ARFGAP3: variants seen among roughly 807,000 people sequenced by gnomAD.
The protein encoded by ARFGAP3 is ADP-ribosylation factor GTPase-activating protein 3.
In ARFGAP3, 72 loss-of-function variants were observed where a neutral mutation model predicts 75.0. The ratio of observed to expected loss-of-function variants is 0.96; its 90% CI spans 0.79 to 1.17. The LOEUF is 1.17. Among genes scored for constraint, ARFGAP3 ranks in the 50% most tolerant of loss-of-function variants. The pLI, the probability that ARFGAP3 is intolerant of heterozygous loss-of-function variation, is 0.00. For synonymous variants in ARFGAP3, 221 were observed against 217.9 expected (o/e 1.01, Z -0.13); for missense variants, 620 against 626.6 (o/e 0.99, Z 0.11).
At chr22:42,825,699 A>T (rs1307099085) in intron 7 of ARFGAP3, among the ~76,000 whole-genome samples, 1 of 151,994 alleles carries the variant, frequency 6.6e-6, no homozygotes, top group Non-Finnish European at 1.5e-5. Flanking sequence ...AAAAAAAAAA[A>T]AAGAAACATA....
At chr22:42,814,924 G>C (rs1454190545) in intron 11 of ARFGAP3, among the ~76,000 whole-genome samples, 1 of 152,138 alleles carries the variant, frequency 6.6e-6, no homozygotes, top group Non-Finnish European at 1.5e-5. Flanking sequence ...TTTTTGTAAA[G>C]ATGAGGTCTC....
intron 11 of ARFGAP3, 136 bp from the exon 12 acceptor site, chr22:42,811,080 C>G: frequency 1.5e-6 from 2 of 1,363,794 alleles, no homozygotes; most frequent in Non-Finnish European, 1.9e-6. Flanking sequence ...GCCAATGAGA[C>G]AGGAGCAGAC....
At chr22:42,804,750 A>G (rs1472992482) in intron 14 of ARFGAP3, among the ~76,000 whole-genome samples, 1 of 152,038 alleles carries the variant, frequency 6.6e-6, no homozygotes, top group East Asian at 1.9e-4. Context: ...TCTCGACCTC[A>G]GGTGATCCGC....
intron 14 of ARFGAP3, among the ~76,000 whole-genome samples, chr22:42,804,376 ATTTTTTTTT>A (rs1169858932): frequency 2.7e-5 from 2 of 74,478 alleles, no homozygotes; most frequent in Non-Finnish European, 4.8e-5. Context: ...CACCCAGCTA[ATTTTTTTTT>A]TTTTTTTTTT....
intron 1 of ARFGAP3, among the ~76,000 whole-genome samples, chr22:42,855,995 C>G (rs1927479893): frequency 6.6e-6 from 1 of 152,212 alleles, no homozygotes; most frequent in East Asian, 1.9e-4. Flanking sequence ...GAGCTAGGAT[C>G]AAGGCACTAC....
chr22:42,817,936 T>C, intron 9 of ARFGAP3, 79 bp from the exon 10 acceptor site: 1 of 1,363,768 alleles, frequency 7.3e-7, no homozygotes, highest in Non-Finnish European at 9.6e-7. Context: ...AAATTAAACA[T>C]GTAATTTATA....
intron 3 of ARFGAP3, among the ~76,000 whole-genome samples, chr22:42,839,717 T>C (rs762657967): frequency 1.3e-5 from 2 of 152,262 alleles, no homozygotes; most frequent in East Asian, 1.9e-4. Context: ...AAAACTATTA[T>C]CATAAAGAAG....
At chr22:42,822,948 T>C (rs1925876547) in intron 8 of ARFGAP3, among the ~76,000 whole-genome samples, 1 of 152,090 alleles carries the variant, frequency 6.6e-6, no homozygotes, top group Non-Finnish European at 1.5e-5. Flanking sequence ...TAGCTGGGAC[T>C]ACAGGCACGG....
chr22:42,813,008 A>G (rs1925435220), intron 11 of ARFGAP3, among the ~76,000 whole-genome samples: 1 of 152,254 alleles, frequency 6.6e-6, no homozygotes, highest in African/African-American at 2.4e-5. Flanking sequence ...ACATCGGAGG[A>G]AGGTTCAAAA....
intron 2 of ARFGAP3, among the ~76,000 whole-genome samples, chr22:42,843,976 T>C (rs535359760): frequency 1.3e-5 from 2 of 152,288 alleles, no homozygotes; most frequent in East Asian, 3.9e-4. Context: ...ATAAATTATT[T>C]TTCCTCTGTA....
intron 3 of ARFGAP3, among the ~76,000 whole-genome samples, chr22:42,840,424 T>C (rs1213056117): frequency 6.6e-6 from 1 of 151,954 alleles, no homozygotes; most frequent in Non-Finnish European, 1.5e-5. Context: ...TGTTTGTTTG[T>C]TTGTTTTTTT....
At position 42,837,675 on chromosome 22, in the gene ARFGAP3, CT is replaced by C. The variant is rs71186547; in HGVS notation, c.262-2183del. Among the ~76,000 whole-genome samples, 672 of 75,612 alleles carry C rather than the reference CT, an allele frequency of 8.9e-3. 2 individuals carry two copies. The highest frequency in any genetic ancestry group is 0.028 in the African/African-American group (451 of 16,010). 49.6% of individuals were successfully genotyped at this position (75,612 alleles called of 152,430 possible). On this transcript the variant is annotated intron_variant, in intron 3 of 15. Coordinates refer to ENST00000263245, the MANE Select transcript of ARFGAP3 (RefSeq NM_014570.5). ...GCCTTGAAACATCTAAGGCATACTT[CT>C]TTTTTTTTTTTTTTTTTTTTTGAGA...
chr22:42,838,646 T>C (rs1926644197), intron 3 of ARFGAP3, among the ~76,000 whole-genome samples: 1 of 152,066 alleles, frequency 6.6e-6, no homozygotes, highest in Admixed American at 6.6e-5. Context: ...TACTTTAGCA[T>C]ATAAGAAACG....
Position 42,847,544 on chromosome 22 carries a change from C to T in ARFGAP3, c.158G>A (p.Arg53Gln), listed in dbSNP as rs768789771. The change falls in exon 2 of 16, where the codon CGG (arginine) becomes CAG (glutamine). Residue 53 changes from arginine to glutamine, a missense_variant. Arg to Gln is a conservative substitution (Grantham distance 43). Transcript: ENST00000263245. ...AAAACTCAAGTGAACACCAAGTGACCGGTGGGACCCTGAGCAATCAATGCA... is the reference window on the plus strand; with the variant it reads ...AAAACTCAAGTGAACACCAAGTGACTGGTGGGACCCTGAGCAATCAATGCA... ...FLCIDCSGSH[R>Q]SLGVHLSFIR... The T allele has an allele frequency of 9.9e-6, 16 of 1,613,144 alleles. No individual in the cohort carries two copies. The highest frequency in any genetic ancestry group is 1.4e-5 in the Non-Finnish European group (16 of 1,179,582).
At position 42,835,392 on chromosome 22, in the gene ARFGAP3, G is replaced by A; in HGVS notation, c.363C>T (p.Ala121=). Residue 121 remains alanine (A), a synonymous_variant, in exon 4 of 16, where the codon GCC becomes GCT. Coordinates refer to ENST00000263245, the MANE Select transcript of ARFGAP3 (RefSeq NM_014570.5). ...QLYREKIKSL[A]SQATRKHGTD... is the part of the protein sequence containing the mutation. ...TGCCATGCTTCCGTGTTGCTTGAGA[G>A]GCGAGCGATTTGATTTTCTCCCTAT... 6.2e-7 allele frequency: 1 copy of A among 1,614,116 alleles called. No individual in the cohort carries two copies. The highest frequency in any genetic ancestry group is 8.5e-7 in the Non-Finnish European group (1 of 1,179,986).
chr22:42,821,137 A>G (rs957496976), intron 9 of ARFGAP3, among the ~76,000 whole-genome samples: 1 of 152,160 alleles, frequency 6.6e-6, no homozygotes, highest in African/African-American at 2.4e-5. Flanking sequence ...GAACCTCTGG[A>G]GACACGACCA....
chr22:42,829,316 C>T (rs1241376672), intron 6 of ARFGAP3, among the ~76,000 whole-genome samples: 1 of 152,202 alleles, frequency 6.6e-6, no homozygotes, highest in Non-Finnish European at 1.5e-5. Context: ...ACTGGGAGTG[C>T]TCGTTGGCTG....
chr22:42,835,285 C>T (rs898385138), intron 4 of ARFGAP3, 77 bp downstream of exon 4: 1 of 1,526,710 alleles, frequency 6.6e-7, no homozygotes, highest in African/African-American at 1.4e-5. Context: ...AAAAGTTTTA[C>T]TATTCAGGAT....
At chr22:42,835,980 C>CTTT (rs545758118) in intron 3 of ARFGAP3, among the ~76,000 whole-genome samples, 20 of 105,722 alleles carry the variant, frequency 1.9e-4, no homozygotes, top group Non-Finnish European at 2.8e-4. Flanking sequence ...CCATTTCTTT[C>CTTT]TTTTTTTTTT....
Sources: allele counts gnomAD v4.1 joint callset (sites outside exome capture counted in the v4.1 genomes callset), GRCh38; gene constraint gnomAD v4.1.1; transcripts MANE v1.5; gene names NCBI Gene and HGNC (gene_info 2026-07-23, HGNC 2026-07-21).